Variants in GRIN2D observed in about 807,000 individuals in gnomAD.
GRIN2D encodes the protein glutamate ionotropic receptor NMDA type subunit 2D.
In GRIN2D, 37 loss-of-function variants were observed where a neutral mutation model predicts 103.2. That is an observed-to-expected ratio of 0.36 (90% CI 0.28 to 0.47). GRIN2D has a LOEUF of 0.47. GRIN2D is among the 20% of genes least tolerant of loss of function. The pLI, the probability that GRIN2D is intolerant of heterozygous loss-of-function variation, is 1.00. For synonymous variants in GRIN2D, 845 were observed against 885.6 expected (o/e 0.95, Z 0.81); for missense variants, 1,557 against 1,910.6 (o/e 0.81, Z 3.45).
In GRIN2D at chr19:48,443,844, G is replaced by A; in HGVS notation, c.3918G>A (p.Pro1306=). 6.7e-7 allele frequency: 1 copy of A among 1,483,564 alleles called. No homozygotes were observed. Among genetic ancestry groups the A allele is most frequent in the Non-Finnish European group, 8.9e-7 (1 of 1,124,978 alleles). 91.9% of individuals were successfully genotyped at this position (1,483,564 alleles called of 1,614,324 possible). The change falls in exon 14 of 14, where the codon CCG becomes CCA. Residue 1306 remains proline, a synonymous_variant. Coordinates refer to ENST00000263269, the MANE Select transcript of GRIN2D (RefSeq NM_000836.4). The surrounding 1 kb of genome is among the most constrained non-coding windows in gnomAD (Gnocchi z 8.9). The part of the protein sequence containing the change: ...RCPHAAHWGP[P]LPTASHRRHR... Reference sequence around the variant, plus strand: ...CGCACGCCGCGCACTGGGGGCCGCCGCTGCCCACAGCTTCCCACCGGAGAC... The same window carrying A: ...CGCACGCCGCGCACTGGGGGCCGCCACTGCCCACAGCTTCCCACCGGAGAC...
In GRIN2D at chr19:48,442,957, G is replaced by C; in HGVS notation, c.3031G>C (p.Val1011Leu). 8.7e-7 allele frequency: 1 copy of C among 1,145,794 alleles called. No homozygotes were observed. The highest frequency in any genetic ancestry group is 1.1e-6 in the Non-Finnish European group (1 of 922,658). The allele number at this position is 1,145,794 out of a possible 1,614,324, so 71.0% of individuals were successfully genotyped here. Residue 1011 changes from valine (V) to leucine (L), a missense_variant, in exon 14 of 14, where the codon GTA becomes CTA. Around this residue, in one of 7 missense-constraint regions of GRIN2D, gnomAD observed 632 missense variants for 572.8 expected, o/e 1.10. Coordinates refer to ENST00000263269, the MANE Select transcript of GRIN2D (RefSeq NM_000836.4). This position sits in a 1 kb window ranked among gnomAD's most constrained non-coding sequence, Gnocchi z 7.2. ...QKPPPSYFAI[V>L]RDKEPAEPPA... ...GCCGCCGCCCTCCTATTTCGCCATCGTACGCGACAAGGAGCCAGCCGAGCC... is the reference window on the plus strand; with the variant it reads ...GCCGCCGCCCTCCTATTTCGCCATCCTACGCGACAAGGAGCCAGCCGAGCC...
intron 2 of GRIN2D, 69 bp from the exon 3 acceptor site, chr19:48,398,298 T>C: frequency 1.8e-6 from 1 of 557,340 alleles, no homozygotes; most frequent in Non-Finnish European, 2.3e-6. Flanking sequence ...CTTTATCTCG[T>C]CTCCCTGTCC....
At position 48,425,339 on chromosome 19, in the gene GRIN2D, T is replaced by A. The variant is rs140995584; in HGVS notation, c.2252+3394T>A. ...TCACTGCAACCTCCGCTTCCCGGGT[T>A]CAAGCGATTCTCCTGCCTCAGCCTC... is the stretch of plus-strand genomic sequence containing the variant. On this transcript the variant is annotated intron_variant, in intron 11 of 13. Coordinates refer to ENST00000263269, the MANE Select transcript of GRIN2D (RefSeq NM_000836.4). 4.7e-3 allele frequency among the ~76,000 whole-genome samples: 713 copies of A among 152,260 alleles called. 28 individuals are homozygous for A. In the East Asian group the frequency reaches 0.089, roughly 19 times the overall value.
chr19:48,443,626 C>CGGG lies in GRIN2D; in HGVS notation c.3700_3701insGGG (p.His1234delinsArgAsp). The CGGG allele has an allele frequency of 9.2e-7, 1 of 1,083,728 alleles. No individual in the cohort carries two copies. Among genetic ancestry groups the CGGG allele is most frequent in the Non-Finnish European group, 1.1e-6 (1 of 898,388 alleles). The allele number at this position is 1,083,728 out of a possible 1,614,324, so 67.1% of individuals were successfully genotyped here. A position where few individuals can be genotyped will look rare whatever the true frequency, so the allele number is the denominator to read the frequency against. ...CTGCGGGTGCCCGCGGTCGCACCCG[C>CGGG]ACCGCCCGCGGGCCTCGCACCGCAC... is the stretch of plus-strand genomic sequence containing the variant. On this transcript the variant is annotated protein_altering_variant, in exon 14 of 14. Coordinates refer to ENST00000263269, the MANE Select transcript of GRIN2D (RefSeq NM_000836.4). The surrounding 1 kb of genome is among the most constrained non-coding windows in gnomAD (Gnocchi z 8.9).
At chr19:48,416,574 T>C (rs1190221651) in intron 8 of GRIN2D, among the ~76,000 whole-genome samples, 2 of 152,194 alleles carry the variant, frequency 1.3e-5, no homozygotes, top group African/African-American at 4.8e-5. Flanking sequence ...CAATACCTTG[T>C]AAGCACTTAA....
intron 4 of GRIN2D, 67 bp from the exon 5 acceptor site, chr19:48,413,924 T>C: frequency 1.1e-6 from 1 of 891,756 alleles, no homozygotes; most frequent in Non-Finnish European, 1.9e-6. Context: ...AAGGGGACTT[T>C]CTCTGCCTTC....
At chr19:48,435,343 GC>G (rs1228849892) in intron 11 of GRIN2D, among the ~76,000 whole-genome samples, 3 of 102,606 alleles carry the variant, frequency 2.9e-5, no homozygotes, top group African/African-American at 1.2e-4. Context: ...TTGCTCCATT[GC>G]CCGGGCACCA....
intron 11 of GRIN2D, among the ~76,000 whole-genome samples, chr19:48,431,724 A>G (rs945766705): frequency 4.6e-5 from 7 of 151,744 alleles, no homozygotes; most frequent in Admixed American, 2.6e-4. Context: ...AGCTCCGATT[A>G]CAGGCATGTG....
At chr19:48,428,086 G>C (rs1273065992) in intron 11 of GRIN2D, among the ~76,000 whole-genome samples, 1 of 149,642 alleles carries the variant, frequency 6.7e-6, no homozygotes, top group Non-Finnish European at 1.5e-5. Context: ...GCCCAGGCTG[G>C]AGTGCAGTGA....
chr19:48,433,685 A>C (rs80038044), intron 11 of GRIN2D, among the ~76,000 whole-genome samples: 1 of 152,182 alleles, frequency 6.6e-6, no homozygotes, highest in African/African-American at 2.4e-5. Context: ...CTCACTCAAG[A>C]GGGGCAAAAA....
intron 11 of GRIN2D, among the ~76,000 whole-genome samples, chr19:48,437,721 C>G (rs1248207493): frequency 1.3e-5 from 2 of 152,174 alleles, no homozygotes; most frequent in African/African-American, 2.4e-5. Flanking sequence ...CCACATTCTT[C>G]CCACTTAAAC....
chr19:48,421,925 G>A lies in GRIN2D; in HGVS notation c.2232G>A (p.Ala744=), dbSNP rs745727041. Residue 744 remains alanine (A), a synonymous_variant, in exon 11 of 14, where the codon GCG becomes GCA. Transcript: ENST00000263269. The surrounding 1 kb of genome is among the most constrained non-coding windows in gnomAD (Gnocchi z 4.8). The part of the protein sequence containing the change: ...VRYNQPRVEE[A]LTQLKAGKLD... ...ACAACCAGCCCCGCGTAGAGGAAGC[G>A]CTCACTCAGCTCAAGGCAGGGTCAG... is the stretch of plus-strand genomic sequence containing the variant. The A allele has an allele frequency of 5.0e-6, 8 of 1,614,084 alleles. No individual in the cohort carries two copies. The highest frequency in any genetic ancestry group is 1.1e-5 in the South Asian group (1 of 91,074).
intron 4 of GRIN2D, among the ~76,000 whole-genome samples, chr19:48,411,616 T>C (rs1970861440): frequency 6.6e-6 from 1 of 151,832 alleles, no homozygotes; most frequent in Admixed American, 6.6e-5. Context: ...ACCATTGCAC[T>C]CCAGCCTAGG....
intron 2 of GRIN2D, 126 bp from the exon 3 acceptor site, chr19:48,398,241 C>A: frequency 4.1e-6 from 1 of 241,168 alleles, no homozygotes; most frequent in Non-Finnish European, 7.1e-6. Flanking sequence ...CCCTGTCCTC[C>A]CCATCTCGGC....
chr19:48,394,366 G>A lies in GRIN2D; in HGVS notation c.-305-292G>A, dbSNP rs544257448. ...GAGGAAGGGGCAAGCAGTTCCCCAA[G>A]CAGGCAATCTCCCGCTCCTCACACG... On this transcript the variant is annotated intron_variant, in intron 1 of 13. Transcript: ENST00000263269. The surrounding 1 kb of genome is among the most constrained non-coding windows in gnomAD (Gnocchi z 5.1). Among the ~76,000 whole-genome samples the A allele has an allele frequency of 1.3e-4, 19 of 149,726 alleles. No homozygotes were observed. In the East Asian group the frequency reaches 2.6e-3, roughly 20 times the overall value.
intron 11 of GRIN2D, among the ~76,000 whole-genome samples, 189 bp from the exon 12 acceptor site, chr19:48,441,580 G>C (rs1971292021): frequency 6.6e-6 from 1 of 152,174 alleles, no homozygotes; most frequent in Admixed American, 6.5e-5. Context: ...ACTCTGAAGG[G>C]AGATACTGCT....
intron 4 of GRIN2D, among the ~76,000 whole-genome samples, chr19:48,406,193 C>T (rs1171501288): frequency 6.6e-6 from 1 of 152,134 alleles, no homozygotes; most frequent in African/African-American, 2.4e-5. Flanking sequence ...CCTGGCTAGA[C>T]GTCCATTCTG....
At chr19:48,403,608 G>C (rs755756901) in intron 3 of GRIN2D, among the ~76,000 whole-genome samples, 4 of 152,286 alleles carry the variant, frequency 2.6e-5, no homozygotes, top group Admixed American at 6.5e-5. Flanking sequence ...GAACAGTAAG[G>C]CACTCCTAGT....
rs79808899 is a variant in GRIN2D, at chr19:48,416,212, C to T, written c.1735+57C>T. 1.0e-3 allele frequency: 1,505 copies of T among 1,508,778 alleles called. 17 individuals are homozygous for T. In the African/African-American group the frequency reaches 0.018, roughly 18 times the overall value. 93.5% of individuals were successfully genotyped at this position (1,508,778 alleles called of 1,614,324 possible). On this transcript the variant is annotated intron_variant, in intron 8 of 13. Transcript: ENST00000263269. ...CCTAGGCAAAGTAGCCGTCCCCAAC[C>T]GTGTGGGCCCTGGGATCAGAAAACC... is the stretch of plus-strand genomic sequence containing the variant.
Sources: gnomAD v4.1 joint callset for allele counts (sites outside exome capture counted in the v4.1 genomes callset) on GRCh38, gnomAD v4.1.1 for gene constraint, gnomAD v4.1.1 regional missense constraint, Gnocchi (gnomAD v3.1) non-coding constraint, MANE v1.5 for transcripts, NCBI Gene and HGNC (gene_info 2026-07-23, HGNC 2026-07-21) for gene names.